The following ASB15 variants were observed in gnomAD, a reference collection of about 807,000 sequenced individuals.
ASB15 encodes the protein ankyrin repeat and SOCS box containing 15.
Under a neutral mutation model 58.0 loss-of-function variants are expected in ASB15, and 54 were observed. The ratio of observed to expected loss-of-function variants is 0.93; its 90% CI spans 0.75 to 1.17. The LOEUF (loss-of-function observed/expected upper bound fraction) is 1.17. Among genes scored for constraint, ASB15 ranks in the 50% most tolerant of loss-of-function variants. ASB15 has a pLI of 0.00. For missense variants in ASB15, 680 were observed against 707.4 expected (o/e 0.96, Z 0.44); for synonymous variants, 249 against 262.4 (o/e 0.95, Z 0.50).
intron 1 of ASB15, among the ~76,000 whole-genome samples, chr7:123,577,753 C>T (rs923717368): frequency 6.6e-6 from 1 of 152,146 alleles, no homozygotes; most frequent in African/African-American, 2.4e-5. Context: ...ACTAACTGTT[C>T]TCCATCCAGC....
At chr7:123,626,131 A>T (rs555778324) in intron 8 of ASB15, among the ~76,000 whole-genome samples, 6 of 152,308 alleles carry the variant, frequency 3.9e-5, no homozygotes, top group African/African-American at 1.4e-4. Flanking sequence ...TATTCTTCTT[A>T]GGGTCACACA....
At chr7:123,623,931 A>AAAAG (rs201240574) in intron 7 of ASB15, among the ~76,000 whole-genome samples, 2,002 of 103,190 alleles carry the variant, frequency 0.019, 59 homozygotes, top group Non-Finnish European at 0.023. Context: ...AGAAAGAAAG[A>AAAAG]AAAGAAAGAA....
At chr7:123,620,006 T>C (rs1230412847) in intron 7 of ASB15, 1 of 152,234 alleles carries the variant, frequency 6.6e-6, no homozygotes, top group African/African-American at 2.4e-5. Flanking sequence ...GTCATTTCTC[T>C]CTCACACATT....
intron 1 of ASB15, among the ~76,000 whole-genome samples, chr7:123,590,667 T>C (rs1433647530): frequency 3.9e-5 from 6 of 152,176 alleles, no homozygotes; most frequent in African/African-American, 1.4e-4. Flanking sequence ...TCTGTTCTGT[T>C]CCATTGGTCT....
intron 3 of ASB15, among the ~76,000 whole-genome samples, chr7:123,610,466 T>C (rs937249171): frequency 6.6e-6 from 1 of 152,240 alleles, no homozygotes; most frequent in Non-Finnish European, 1.5e-5. Context: ...GAATTAAGGA[T>C]TTAACATAGC....
At chr7:123,600,355 A>G (rs953509834), upstream of ASB15, among the ~76,000 whole-genome samples, 8 of 152,206 alleles carry the variant, frequency 5.3e-5, no homozygotes, top group Non-Finnish European at 2.9e-5. Context: ...ACTATTATAT[A>G]AACGGATAAA....
intron 9 of ASB15, 109 bp downstream of exon 9, chr7:123,627,390 G>C (rs749330920): frequency 3.5e-6 from 3 of 852,862 alleles, no homozygotes; most frequent in Non-Finnish European, 4.9e-6. Flanking sequence ...GGAGAAATAG[G>C]CATAATCTTC....
At chr7:123,603,615 C>T (rs1799994587) in intron 1 of ASB15, among the ~76,000 whole-genome samples, 1 of 152,072 alleles carries the variant, frequency 6.6e-6, no homozygotes, top group African/African-American at 2.4e-5. Context: ...TTATCTTTAT[C>T]AGTGGAGCTT....
At chr7:123,634,618 A>G (rs1802315985) in intron 11 of ASB15, among the ~76,000 whole-genome samples, 1 of 152,186 alleles carries the variant, frequency 6.6e-6, no homozygotes, top group African/African-American at 2.4e-5. Context: ...TATCTTAAAA[A>G]CTGATAAAAG....
chr7:123,592,417 C>T (rs909239791), intron 1 of ASB15, among the ~76,000 whole-genome samples: 2 of 152,142 alleles, frequency 1.3e-5, no homozygotes, highest in Non-Finnish European at 1.5e-5. Context: ...CTCTTGTGGG[C>T]ATTTAGTGCT....
chr7:123,612,616 G>T (rs748944883), intron 3 of ASB15, among the ~76,000 whole-genome samples: 3 of 152,110 alleles, frequency 2.0e-5, no homozygotes, highest in Non-Finnish European at 4.4e-5. Flanking sequence ...TGAATAAAGA[G>T]AAATATTATG....
At chr7:123,617,804 C>T in intron 7 of ASB15, 67 bp downstream of exon 7, 1 of 1,434,602 alleles carries the variant, frequency 7.0e-7, no homozygotes, top group Admixed American at 2.0e-5. Flanking sequence ...TTGGAAACCA[C>T]TGTATAATGG....
At chr7:123,589,361 T>C (rs778742844) in intron 1 of ASB15, among the ~76,000 whole-genome samples, 2 of 151,352 alleles carry the variant, frequency 1.3e-5, no homozygotes, top group African/African-American at 2.4e-5. Context: ...AGGGTACATA[T>C]GCACAATGTG....
chr7:123,580,981 C>T (rs1422178422), intron 1 of ASB15, among the ~76,000 whole-genome samples: 2 of 147,608 alleles, frequency 1.4e-5, no homozygotes, highest in African/African-American at 5.4e-5. Context: ...GAACAGGAAA[C>T]CAAACCAACA....
rs746580858 is a variant in ASB15, at chr7:123,629,150, G to A, written c.1156G>A (p.Val386Ile). Residue 386 changes from valine to isoleucine, a missense_variant, in exon 10 of 12, where the codon GTT becomes ATT. Physicochemically the swap from Val to Ile is conservative, Grantham distance 29 (BLOSUM62 3). Coordinates refer to ENST00000451215, the MANE Select transcript of ASB15 (RefSeq NM_001290258.2). ...CTTAGATCCCCTCAACTGTCTACTT[G>A]TTGCAGTGAGGGCCAATAATTATGA... Reference protein sequence around the residue: ...PNLDPLNCLLVAVRANNYEIV... With the variant: ...PNLDPLNCLLIAVRANNYEIV... The A allele has an allele frequency of 1.1e-5, 18 of 1,613,968 alleles. 1 individual carries two copies. The South Asian group carries it at 1.6e-4, about 15-fold the overall frequency.
chr7:123,637,150 C>T lies in ASB15; in HGVS notation c.*169C>T, dbSNP rs1042324822. On this transcript the variant is annotated 3_prime_UTR_variant, in exon 12 of 12. Transcript: ENST00000451215. ...ACACCATGATTTATGTCTTTAAAGA[C>T]ATTTGCATTTTTTAAAGATAGTATT... is the stretch of plus-strand genomic sequence containing the variant. The T allele has an allele frequency of 7.7e-5, 35 of 453,348 alleles. No individual in the cohort carries two copies. Among genetic ancestry groups the T allele is most frequent in the Non-Finnish European group, 1.3e-4 (33 of 261,882 alleles). The allele number at this position is 453,348 out of a possible 1,614,324, so 28.1% of individuals were successfully genotyped here.
At chr7:123,574,811 A>G (rs16871050) in intron 1 of ASB15, among the ~76,000 whole-genome samples, 2,214 of 152,160 alleles carry the variant, frequency 0.015, 51 homozygotes, top group African/African-American at 0.05. Flanking sequence ...CAGCTTACAC[A>G]TCTTTAAGTA....
intron 3 of ASB15, among the ~76,000 whole-genome samples, chr7:123,611,076 C>G (rs1219977675): frequency 8.3e-6 from 1 of 119,968 alleles, no homozygotes; most frequent in African/African-American, 3.4e-5. Context: ...GAGCAAAACT[C>G]CATCTCAAAA....
chr7:123,585,392 A>G (rs150662454), intron 1 of ASB15, among the ~76,000 whole-genome samples: 129 of 151,912 alleles, frequency 8.5e-4, no homozygotes, highest in African/African-American at 3.1e-3. Flanking sequence ...AAAGTCCTCA[A>G]ACTGACACAT....
Sources: gnomAD v4.1 joint callset for allele counts (sites outside exome capture counted in the v4.1 genomes callset) on GRCh38, gnomAD v4.1.1 for gene constraint, MANE v1.5 for transcripts, NCBI Gene and HGNC (gene_info 2026-07-23, HGNC 2026-07-21) for gene names.